Variants in VPS8 observed in about 807,000 individuals in gnomAD.
VPS8 encodes VPS8 subunit of CORVET complex.
VPS8 carries 129 observed loss-of-function variants against 216.4 expected under a neutral mutation model. The ratio of observed to expected loss-of-function variants is 0.60; its 90% CI spans 0.52 to 0.69. The LOEUF is 0.69. Ranked by LOEUF, VPS8 falls within the 30% of genes least tolerant of loss-of-function variation. The pLI is 0.00. For missense variants in VPS8, 1,531 were observed against 1,683.5 expected (o/e 0.91, Z 1.59); for synonymous variants, 571 against 565.4 (o/e 1.01, Z -0.14).
chr3:184,875,634 G>A (rs945230591), intron 21 of VPS8, among the ~76,000 whole-genome samples: 13 of 151,766 alleles, frequency 8.6e-5, no homozygotes, highest in Middle Eastern at 3.2e-3. Context: ...GCCTCACGCC[G>A]TCTCTAATAT....
chr3:184,821,119 T>C (rs1202332704), intron 1 of VPS8, among the ~76,000 whole-genome samples: 6 of 152,256 alleles, frequency 3.9e-5, no homozygotes, highest in Non-Finnish European at 2.9e-5. Context: ...CAGACATTAT[T>C]CTCAATGCTT....
chr3:184,868,115 T>C, intron 18 of VPS8, 56 bp downstream of exon 18: 1 of 1,571,332 alleles, frequency 6.4e-7, no homozygotes, highest in Non-Finnish European at 8.7e-7. Flanking sequence ...CTTCTTAACA[T>C]TTCTGTTTTG....
chr3:184,879,679 T>C (rs914054684), intron 21 of VPS8, among the ~76,000 whole-genome samples: 1 of 152,170 alleles, frequency 6.6e-6, no homozygotes, highest in Non-Finnish European at 1.5e-5. Context: ...GGTGGTTGTT[T>C]ACTAGTCCGG....
At chr3:185,031,533 G>T (rs1454819612) in intron 46 of VPS8, among the ~76,000 whole-genome samples, 1 of 152,198 alleles carries the variant, frequency 6.6e-6, no homozygotes, top group African/African-American at 2.4e-5. Context: ...CCTTTTTATG[G>T]ATGTGAAGAA....
intron 22 of VPS8, among the ~76,000 whole-genome samples, chr3:184,886,470 TACAC>T (rs560516542): frequency 1.3e-5 from 2 of 151,276 alleles, no homozygotes; most frequent in Non-Finnish European, 2.9e-5. Context: ...TATATATATA[TACAC>T]ACACACACGC....
intron 21 of VPS8, among the ~76,000 whole-genome samples, chr3:184,882,062 A>AT (rs986969965): frequency 3.3e-5 from 5 of 150,650 alleles, no homozygotes; most frequent in Admixed American, 3.3e-4. Context: ...TCTGTGTGCT[A>AT]TTTTTTTCCT....
intron 36 of VPS8, among the ~76,000 whole-genome samples, chr3:184,956,303 C>A (rs934858855): frequency 2.0e-5 from 3 of 152,190 alleles, no homozygotes; most frequent in African/African-American, 7.2e-5. Flanking sequence ...AGTGTGCCTG[C>A]AGACTGTCTC....
intron 21 of VPS8, among the ~76,000 whole-genome samples, chr3:184,878,365 T>A (rs1729658403): frequency 6.6e-6 from 1 of 152,144 alleles, no homozygotes; most frequent in Non-Finnish European, 1.5e-5. Flanking sequence ...CGCCTCGGCC[T>A]CCTAAAGTGC....
intron 25 of VPS8, among the ~76,000 whole-genome samples, chr3:184,904,282 G>T (rs1285535996): frequency 6.6e-6 from 1 of 152,120 alleles, no homozygotes; most frequent in East Asian, 1.9e-4. Flanking sequence ...TGGCAAGAAT[G>T]GACGTCTTTT....
chr3:184,849,826 G>C (rs977220044), intron 9 of VPS8, 110 bp from the exon 10 acceptor site: 3 of 794,730 alleles, frequency 3.8e-6, no homozygotes, highest in African/African-American at 3.5e-5. Flanking sequence ...ATAGTTCTTT[G>C]CCTGCAATGT....
intron 3 of VPS8, among the ~76,000 whole-genome samples, chr3:184,832,097 T>C (rs1392784931): frequency 6.6e-6 from 1 of 152,220 alleles, no homozygotes; most frequent in East Asian, 1.9e-4. Context: ...TAATGGCATA[T>C]AAGGCTTTTC....
At position 184,860,197 on chromosome 3, in the gene VPS8, C is replaced by T. The variant is rs139332854; in HGVS notation, c.1224+132C>T. On this transcript the variant is annotated intron_variant, in intron 15 of 47. Coordinates refer to ENST00000625842, the MANE Select transcript of VPS8 (RefSeq NM_001009921.3). ...ATCATATGAAATATGGACAGTCCGGCACCGAGGCTCGTGCCTGTAGTCCCA... is the reference window on the plus strand; with the variant it reads ...ATCATATGAAATATGGACAGTCCGGTACCGAGGCTCGTGCCTGTAGTCCCA... 706 of 794,796 alleles carry T rather than the reference C, an allele frequency of 8.9e-4. 4 individuals carry two copies. The African/African-American group carries it at 0.01, about 11-fold the overall frequency. 49.2% of individuals were successfully genotyped at this position (794,796 alleles called of 1,614,324 possible).
chr3:184,914,985 T>C lies in VPS8; in HGVS notation c.2194T>C (p.Cys732Arg). Residue 732 changes from cysteine (C) to arginine (R), a missense_variant, in exon 27 of 48, where the codon TGT becomes CGT. This residue lies in a region of VPS8 where 1,318 missense variants were observed against 1,468.4 expected (regional missense o/e 0.90). Coordinates refer to ENST00000625842, the MANE Select transcript of VPS8 (RefSeq NM_001009921.3). The stretch of plus-strand genomic sequence containing the variant: ...ATTCTCATTCTTTTCTTCTAGCTGT[T>C]GTCTAGCAGGTCGTGCCTATCCCCT... ...GNKLLVYISC[C>R]LAGRAYPLGD... The C allele has an allele frequency of 6.2e-7, 1 of 1,614,002 alleles. No homozygotes were observed. The highest frequency in any genetic ancestry group is 1.1e-5 in the South Asian group (1 of 91,086).
At chr3:184,938,782 T>C (rs1000073752) in intron 35 of VPS8, among the ~76,000 whole-genome samples, 17 of 151,846 alleles carry the variant, frequency 1.1e-4, no homozygotes, top group African/African-American at 4.1e-4. Flanking sequence ...AATCCTAGCA[T>C]TTTGCAAGGC....
At chr3:184,842,205 A>AAAAAAAAAC in intron 7 of VPS8, among the ~76,000 whole-genome samples, 1 of 150,104 alleles carries the variant, frequency 6.7e-6, no homozygotes, top group Non-Finnish European at 1.5e-5. Context: ...AAAAAAAAAA[A>AAAAAAAAAC]AAAAGAATAT....
intron 21 of VPS8, among the ~76,000 whole-genome samples, chr3:184,878,210 A>C (rs1000781214): frequency 6.6e-6 from 1 of 151,182 alleles, no homozygotes; most frequent in Admixed American, 6.6e-5. Context: ...TCCCGGGTTC[A>C]AGCTATTTTC....
intron 7 of VPS8, 46 bp downstream of exon 7, chr3:184,839,798 T>G (rs1191325214): frequency 2.6e-6 from 4 of 1,556,210 alleles, no homozygotes; most frequent in Non-Finnish European, 3.5e-6. Flanking sequence ...AAGTGTCCTT[T>G]TGGGTTTTAT....
chr3:184,935,205 G>A (rs1741384975), intron 34 of VPS8, among the ~76,000 whole-genome samples: 1 of 151,938 alleles, frequency 6.6e-6, no homozygotes, highest in African/African-American at 2.4e-5. Flanking sequence ...TCTCAAGTCA[G>A]TTTATTAAAT....
intron 36 of VPS8, 112 bp from the exon 37 acceptor site, chr3:184,957,262 C>T (rs1338462125): frequency 3.6e-6 from 4 of 1,097,286 alleles, no homozygotes; most frequent in Non-Finnish European, 5.1e-6. Flanking sequence ...TTTATCTGAC[C>T]AGCAGGTAGT....
Sources: gnomAD v4.1 joint callset for allele counts (sites outside exome capture counted in the v4.1 genomes callset) on GRCh38, gnomAD v4.1.1 for gene constraint, gnomAD v4.1.1 regional missense constraint, MANE v1.5 for transcripts, NCBI Gene and HGNC (gene_info 2026-07-23, HGNC 2026-07-21) for gene names.